The following DPEP1 variants were observed in gnomAD, a reference collection of about 807,000 sequenced individuals.
DPEP1 encodes dipeptidase 1, also known as beta-lactamase.
A neutral mutation model predicts 42.3 loss-of-function variants in DPEP1; 50 were observed. That is an observed-to-expected ratio of 1.18 (90% CI 0.94 to 1.50). The LOEUF (loss-of-function observed/expected upper bound fraction) is 1.50. Among genes scored for constraint, DPEP1 ranks in the 40% most tolerant of loss-of-function variants. The pLI, the probability that DPEP1 is intolerant of heterozygous loss-of-function variation, is 0.00. For missense variants in DPEP1, 663 were observed against 553.0 expected (o/e 1.20, Z -1.99); for synonymous variants, 297 against 234.0 (o/e 1.27, Z -2.46).
Position 89,632,272 on chromosome 16 carries a change from C to G in DPEP1, c.104+1758C>G, listed in dbSNP as rs575395815. ...TTCACCATGTTGGCCAGGCTGGTCT[C>G]GAACTCCTGACCTCAGGTGATCCGC... On this transcript the variant is annotated intron_variant, in intron 2 of 10. Transcript: ENST00000690203. Among the ~76,000 whole-genome samples the G allele has an allele frequency of 2.0e-5, 3 of 152,222 alleles. No individual in the cohort carries two copies. The South Asian group carries it at 6.2e-4, about 32-fold the overall frequency.
downstream of DPEP1, among the ~76,000 whole-genome samples, chr16:89,638,754 ACCCCATCCCTGCACG>A (rs2059716991): frequency 4.5e-5 from 2 of 44,924 alleles, no homozygotes; most frequent in African/African-American, 1.9e-4. Flanking sequence ...ACACACACAC[ACCCCATCCCTGCACG>A]CACACACCCC....
rs2059699204 is a variant in DPEP1, at chr16:89,637,566, G to A, written c.853+14G>A. On this transcript the variant is annotated intron_variant, in intron 8 of 10. Transcript: ENST00000690203. ...CCCAAGTGGCCGGTAGGTGGGGTGT[G>A]AGCGGCCAAGGGGGCCGAAGGGGGA... The A allele has an allele frequency of 6.2e-7, 1 of 1,612,832 alleles. No homozygotes were observed. The highest frequency in any genetic ancestry group is 8.5e-7 in the Non-Finnish European group (1 of 1,179,986).
intron 2 of DPEP1, among the ~76,000 whole-genome samples, chr16:89,632,656 T>G (rs1428805810): frequency 6.6e-6 from 1 of 151,482 alleles, no homozygotes; most frequent in Non-Finnish European, 1.5e-5. Context: ...ATAAGGAGGG[T>G]GGGTCTGATT....
At position 89,636,878 on chromosome 16, in the gene DPEP1, G is replaced by T; in HGVS notation, c.534G>T (p.Trp178Cys). Residue 178 changes from tryptophan to cysteine, a missense_variant, in exon 6 of 11, where the codon TGG (tryptophan) becomes TGT (cysteine). Transcript: ENST00000690203. ...HSCNTPWADN[W>C]LVDTGDSEPQ... ...TTTGCTTCTCCAGGGCTGACAACTG[G>T]CTGGTGGACACGGGAGACAGCGAGC... The T allele has an allele frequency of 6.2e-7, 1 of 1,612,584 alleles. No individual in the cohort carries two copies. The highest frequency in any genetic ancestry group is 8.5e-7 in the Non-Finnish European group (1 of 1,179,940).
intron 2 of DPEP1, 65 bp downstream of exon 2, chr16:89,630,579 G>A (rs1242315482): frequency 6.8e-6 from 2 of 294,246 alleles, no homozygotes; most frequent in African/African-American, 2.8e-5. Context: ...GGGAGAGCGG[G>A]GCTGGGGGAG....
Position 89,630,462 on chromosome 16 carries a change from TTC to T in DPEP1, c.54_55del (p.Phe19SerfsTer15), listed in dbSNP as rs2059569873. The T allele has an allele frequency of 1.2e-6, 2 of 1,610,992 alleles. No homozygotes were observed. The highest frequency in any genetic ancestry group is 1.7e-6 in the Non-Finnish European group (2 of 1,178,938). ...CCTTGTGGCCGTCTGCACTGCAGACTTCTTTCGGGACGAGGCAGAGAGGATCA... is the reference window on the plus strand; with the variant it reads ...CCTTGTGGCCGTCTGCACTGCAGACTTTTCGGGACGAGGCAGAGAGGATCA... ...WPLVAVCTAD[F>X]FRDEAERIMR... On this transcript the variant is annotated frameshift_variant, in exon 2 of 11. Transcript: ENST00000690203. LOFTEE classifies it high-confidence loss of function.
At chr16:89,615,028 C>T (rs1181850299) in intron 1 of DPEP1, among the ~76,000 whole-genome samples, 4 of 152,092 alleles carry the variant, frequency 2.6e-5, no homozygotes, top group African/African-American at 9.7e-5. Flanking sequence ...TGCTGATTGG[C>T]GTCTGACCCC....
chr16:89,635,624 C>T (rs972993268), intron 2 of DPEP1, among the ~76,000 whole-genome samples: 2 of 152,232 alleles, frequency 1.3e-5, no homozygotes, highest in African/African-American at 4.8e-5. Context: ...TGTCTGCCCC[C>T]CAGCCTCCTC....
chr16:89,615,948 C>T (rs944854304), intron 1 of DPEP1, among the ~76,000 whole-genome samples: 1 of 152,104 alleles, frequency 6.6e-6, no homozygotes, highest in Admixed American at 6.5e-5. Flanking sequence ...GCGCAGGGCT[C>T]AGGCGTCCCC....
chr16:89,635,641 A>C (rs1162224120), intron 2 of DPEP1, among the ~76,000 whole-genome samples: 2 of 152,150 alleles, frequency 1.3e-5, no homozygotes, highest in Non-Finnish European at 2.9e-5. Flanking sequence ...CCTCCACAGA[A>C]AAAGGCCCTG....
At chr16:89,631,796 A>G (rs965657930) in intron 2 of DPEP1, among the ~76,000 whole-genome samples, 4 of 152,250 alleles carry the variant, frequency 2.6e-5, no homozygotes, top group African/African-American at 7.2e-5. Context: ...GGCGGAGGCT[A>G]GAGTGACCCA....
At chr16:89,637,410 G>A (rs757812685) in intron 7 of DPEP1, 30 bp downstream of exon 7, 189 of 1,612,346 alleles carry the variant, frequency 1.2e-4, no homozygotes, top group Middle Eastern at 1.2e-3. Flanking sequence ...CCTCCACCCC[G>A]CCTCCCTGGG....
At chr16:89,615,888 G>C (rs1412320298) in intron 1 of DPEP1, among the ~76,000 whole-genome samples, 1 of 152,158 alleles carries the variant, frequency 6.6e-6, no homozygotes, top group Admixed American at 6.5e-5. Context: ...CCTGGCCTCT[G>C]AGTGTCCACC....
chr16:89,614,997 C>T (rs1257112061), intron 1 of DPEP1, among the ~76,000 whole-genome samples: 8 of 152,124 alleles, frequency 5.3e-5, no homozygotes, highest in Non-Finnish European at 1.2e-4. Flanking sequence ...CTAGTAGCCT[C>T]CACATCTCTT....
intron 1 of DPEP1, among the ~76,000 whole-genome samples, chr16:89,615,213 C>T (rs2059369695): frequency 6.6e-6 from 1 of 152,210 alleles, no homozygotes; most frequent in African/African-American, 2.4e-5. Flanking sequence ...TCAGTCCCTG[C>T]TTGCAGCTTC....
intron 1 of DPEP1, among the ~76,000 whole-genome samples, chr16:89,617,340 A>T (rs1460093556): frequency 6.6e-6 from 1 of 151,962 alleles, no homozygotes; most frequent in Non-Finnish European, 1.5e-5. Flanking sequence ...GTGAGGGGAA[A>T]AGCGCTCCTG....
chr16:89,632,343 G>A (rs1345940799), intron 2 of DPEP1, among the ~76,000 whole-genome samples: 8 of 152,256 alleles, frequency 5.3e-5, no homozygotes, highest in East Asian at 3.9e-4. Context: ...GTGAGCCACC[G>A]CGCCCGGCCG....
intron 1 of DPEP1, 139 bp downstream of exon 1, chr16:89,613,858 G>C (rs901247686): frequency 6.1e-6 from 1 of 164,570 alleles, no homozygotes; most frequent in African/African-American, 2.4e-5. Flanking sequence ...GGCTTCCTGG[G>C]ATTCTAGGAG....
rs377336305 is a variant in DPEP1, at chr16:89,634,538, CT to C, written c.105-1369del. ...CCCTTCCTCTGCGTTCCCCTTCCTT[CT>C]CCTTTCCCCTTCCTTCTCCTTTCCC... is the stretch of plus-strand genomic sequence containing the variant. On this transcript the variant is annotated intron_variant, in intron 2 of 10. Transcript: ENST00000690203. 6.1e-3 allele frequency among the ~76,000 whole-genome samples: 471 copies of C among 77,080 alleles called. 63 individuals carry two copies. In the East Asian group the frequency reaches 0.26, roughly 43 times the overall value. The allele number at this position is 77,080 out of a possible 152,430, so 50.6% of individuals were successfully genotyped here.
Sources: allele counts gnomAD v4.1 joint callset (sites outside exome capture counted in the v4.1 genomes callset), GRCh38; gene constraint gnomAD v4.1.1; transcripts MANE v1.5; gene names NCBI Gene and HGNC (gene_info 2026-07-23, HGNC 2026-07-21).